The following DNAH9 variants were observed in gnomAD, a reference collection of about 807,000 sequenced individuals.
The protein encoded by DNAH9 is DNAH9 variant protein.
DNAH9 carries 345 observed loss-of-function variants against 471.6 expected under a neutral mutation model. The observed-to-expected ratio is 0.73, with a 90% CI of 0.67 to 0.80. The LOEUF (loss-of-function observed/expected upper bound fraction) is 0.80, where lower values mean the gene tolerates loss of function less well. Ranked by LOEUF, DNAH9 falls within the 30% of genes least tolerant of loss-of-function variation. The pLI is 0.00. For missense variants in DNAH9, 5,407 were observed against 5,609.2 expected (o/e 0.96, Z 1.15); for synonymous variants, 2,093 against 2,123.6 (o/e 0.99, Z 0.40).
intron 61 of DNAH9, among the ~76,000 whole-genome samples, chr17:11,911,826 T>A (rs1973801565): frequency 6.6e-6 from 1 of 152,186 alleles, no homozygotes; most frequent in African/African-American, 2.4e-5. Flanking sequence ...GACTTTTTTC[T>A]TTTAGATTCT....
At chr17:11,619,088 G>A (rs1240633399) in intron 5 of DNAH9, among the ~76,000 whole-genome samples, 1 of 152,254 alleles carries the variant, frequency 6.6e-6, no homozygotes, top group Non-Finnish European at 1.5e-5. Flanking sequence ...GATGATGTCA[G>A]CCAGACCCAG....
At chr17:11,734,902 T>C (rs1235220223) in intron 28 of DNAH9, among the ~76,000 whole-genome samples, 2 of 151,960 alleles carry the variant, frequency 1.3e-5, no homozygotes, top group East Asian at 3.9e-4. Flanking sequence ...TGGGCAGAGG[T>C]AGGGATGAGT....
rs2150836108 is a variant in DNAH9, at chr17:11,742,262, C to T, written c.6060C>T (p.Ala2020=). The change falls in exon 30 of 69, where the codon GCC becomes GCT. Residue 2020 remains alanine (A), a synonymous_variant. Transcript: ENST00000262442. ...GATTCATTGAAGCCCAGTCATTAGC[C>T]AGAAAGTTCATCACTCTTTACCAGT... ...AEGFIEAQSL[A]RKFITLYQLC... The T allele has an allele frequency of 6.2e-7, 1 of 1,614,046 alleles. No individual in the cohort carries two copies. The highest frequency in any genetic ancestry group is 2.2e-5 in the East Asian group (1 of 44,872).
chr17:11,872,873 T>G (rs1219665044), intron 52 of DNAH9, among the ~76,000 whole-genome samples: 2 of 152,184 alleles, frequency 1.3e-5, no homozygotes, highest in East Asian at 3.9e-4. Context: ...TGAGCCAAGA[T>G]AGCACCACTG....
At chr17:11,939,545 C>A (rs954023635) in intron 66 of DNAH9, among the ~76,000 whole-genome samples, 28 of 152,158 alleles carry the variant, frequency 1.8e-4, no homozygotes, top group African/African-American at 6.3e-4. Flanking sequence ...GGTGGTGTTT[C>A]TCACATAGCT....
chr17:11,604,597 T>C (rs189859037), intron 1 of DNAH9, among the ~76,000 whole-genome samples: 2 of 152,314 alleles, frequency 1.3e-5, no homozygotes, highest in Non-Finnish European at 2.9e-5. Flanking sequence ...CTGTATCTTC[T>C]CTGAAGATCT....
intron 8 of DNAH9, among the ~76,000 whole-genome samples, chr17:11,636,210 TG>T (rs1210305034): frequency 6.6e-6 from 1 of 152,116 alleles, no homozygotes; most frequent in African/African-American, 2.4e-5. Context: ...TTCACCAACT[TG>T]GCCAGGCTGG....
intron 50 of DNAH9, among the ~76,000 whole-genome samples, chr17:11,861,359 A>G (rs1861925525): frequency 6.6e-6 from 1 of 150,830 alleles, no homozygotes; most frequent in South Asian, 2.1e-4. Flanking sequence ...TGAACTCATC[A>G]TTTTTTATGG....
chr17:11,922,306 A>T (rs1050555591), intron 61 of DNAH9, among the ~76,000 whole-genome samples: 2 of 152,274 alleles, frequency 1.3e-5, no homozygotes, highest in South Asian at 4.1e-4. Context: ...AATTTTTTTT[A>T]AGTATGGATT....
rs1971216344 is a variant in DNAH9 at position 11,846,149 on chromosome 17, G to A, written c.9508-7854G>A. ...TTATGGTTTTAGGTCTAACGTTTAA[G>A]TCTTTAATCCATCTTGAATTGATTT... On this transcript the variant is annotated intron_variant, in intron 49 of 68. Transcript: ENST00000262442. 2.8e-5 allele frequency among the ~76,000 whole-genome samples: 4 copies of A among 144,832 alleles called. No homozygotes were observed. In the South Asian group the frequency reaches 9.0e-4, roughly 33 times the overall value.
intron 48 of DNAH9, among the ~76,000 whole-genome samples, chr17:11,828,651 C>T (rs1338973990): frequency 6.6e-6 from 1 of 152,028 alleles, no homozygotes; most frequent in African/African-American, 2.4e-5. Context: ...CACACTGTAC[C>T]CTAGAGTCCA....
Position 11,883,736 on chromosome 17 carries a change from G to A in DNAH9, c.10957G>A (p.Glu3653Lys), listed in dbSNP as rs780709959. The change falls in exon 56 of 69, where the codon GAA (glutamate) becomes AAA (lysine). Residue 3653 changes from glutamate (E) to lysine (K), a missense_variant. Physicochemically the swap from Glu to Lys is moderately conservative, Grantham distance 56 (BLOSUM62 1). Coordinates refer to ENST00000262442, the MANE Select transcript of DNAH9 (RefSeq NM_001372.4). Reference protein sequence around the residue: ...NLEITKQTAAEVEKKVQEAKV... With the variant: ...NLEITKQTAAKVEKKVQEAKV... ...AGAGATCACCAAGCAGACTGCTGCC[G>A]AAGTTGAGAAAAAGGTAAAACTCCT... The A allele has an allele frequency of 7.4e-6, 12 of 1,613,588 alleles. No individual in the cohort carries two copies. Among genetic ancestry groups the A allele is most frequent in the Middle Eastern group, 1.7e-4 (1 of 6,006 alleles).
At chr17:11,843,608 TATC>T (rs1468281093) in intron 49 of DNAH9, among the ~76,000 whole-genome samples, 1 of 151,632 alleles carries the variant, frequency 6.6e-6, no homozygotes, top group Non-Finnish European at 1.5e-5. Flanking sequence ...TAAAAGTTCT[TATC>T]ATTTAACCAA....
intron 67 of DNAH9, among the ~76,000 whole-genome samples, chr17:11,945,042 G>A (rs1975062441): frequency 6.6e-6 from 1 of 152,210 alleles, no homozygotes; most frequent in Admixed American, 6.5e-5. Context: ...GGGGTTCGCA[G>A]AGTGGTCTGG....
At chr17:11,957,869 C>T (rs1975735164) in intron 67 of DNAH9, among the ~76,000 whole-genome samples, 1 of 152,184 alleles carries the variant, frequency 6.6e-6, no homozygotes, top group African/African-American at 2.4e-5. Flanking sequence ...AAATGGTACA[C>T]AAGATCTGTC....
intron 50 of DNAH9, among the ~76,000 whole-genome samples, chr17:11,861,657 C>T (rs1285121582): frequency 6.6e-6 from 1 of 151,560 alleles, no homozygotes; most frequent in East Asian, 1.9e-4. Context: ...TAAAAGTGTT[C>T]CTATTTCTCC....
At chr17:11,934,156 G>T in intron 65 of DNAH9, 85 bp downstream of exon 65, 1 of 1,434,336 alleles carries the variant, frequency 7.0e-7, no homozygotes, top group South Asian at 1.3e-5. Context: ...GCACCACCAG[G>T]GAAGCCTCTG....
intron 56 of DNAH9, among the ~76,000 whole-genome samples, chr17:11,886,527 A>G (rs1358750173): frequency 2.1e-5 from 2 of 96,466 alleles, no homozygotes; most frequent in African/African-American, 8.7e-5. Flanking sequence ...TTTTTTTTGC[A>G]TTTCCATGAA....
At chr17:11,941,292 G>C (rs1974898078) in intron 66 of DNAH9, among the ~76,000 whole-genome samples, 1 of 152,142 alleles carries the variant, frequency 6.6e-6, no homozygotes, top group African/African-American at 2.4e-5. Flanking sequence ...TCAGCTCTCA[G>C]GACTCCAGAA....
Sources: gnomAD v4.1 joint callset for allele counts (sites outside exome capture counted in the v4.1 genomes callset) on GRCh38, gnomAD v4.1.1 for gene constraint, MANE v1.5 for transcripts, NCBI Gene and HGNC (gene_info 2026-07-23, HGNC 2026-07-21) for gene names.